Variants in MVB12B observed in about 807,000 individuals in gnomAD.
MVB12B encodes multivesicular body subunit 12B.
In MVB12B, 16 loss-of-function variants were observed where a neutral mutation model predicts 41.6. That is an observed-to-expected ratio of 0.38 (90% confidence interval 0.26 to 0.58). The LOEUF (loss-of-function observed/expected upper bound fraction) is 0.58, where lower values mean the gene tolerates loss of function less well. Ranked by LOEUF, MVB12B falls within the 20% of genes least tolerant of loss-of-function variation. The pLI, the probability that MVB12B is intolerant of heterozygous loss-of-function variation, is 0.62. For missense variants in MVB12B, 274 were observed against 380.2 expected (o/e 0.72, Z 2.32); for synonymous variants, 133 against 139.7 (o/e 0.95, Z 0.34).
intron 2 of MVB12B, among the ~76,000 whole-genome samples, chr9:126,355,482 T>C (rs1829856839): frequency 6.6e-6 from 1 of 152,238 alleles, no homozygotes; most frequent in Admixed American, 6.5e-5. Context: ...CCCTTAACAT[T>C]CAACGCTACT....
At chr9:126,439,905 G>A (rs1832588096) in intron 7 of MVB12B, among the ~76,000 whole-genome samples, 1 of 152,142 alleles carries the variant, frequency 6.6e-6, no homozygotes, top group Non-Finnish European at 1.5e-5. Context: ...TGCATATAAT[G>A]TATCTTAAGT....
At chr9:126,483,158 C>T (rs1274158984) in intron 8 of MVB12B, among the ~76,000 whole-genome samples, 4 of 152,176 alleles carry the variant, frequency 2.6e-5, no homozygotes, top group Non-Finnish European at 5.9e-5. Flanking sequence ...GCCAGGGACC[C>T]TTCTGGGGAG....
intron 7 of MVB12B, among the ~76,000 whole-genome samples, chr9:126,435,255 C>G (rs1365475816): frequency 6.6e-6 from 1 of 152,166 alleles, no homozygotes; most frequent in Non-Finnish European, 1.5e-5. Flanking sequence ...CCAGAAGGCA[C>G]TGGTCTCATT....
chr9:126,481,499 C>CCCTGCGTGCTGTGTA, intron 8 of MVB12B, 75 bp downstream of exon 8: 2 of 1,098,002 alleles, frequency 1.8e-6, no homozygotes, highest in Non-Finnish European at 2.8e-6. Flanking sequence ...ATTTACACAG[C>CCCTGCGTGCTGTGTA]ACGCAGGGCT....
At chr9:126,489,688 G>C (rs573141482) in intron 9 of MVB12B, among the ~76,000 whole-genome samples, 12 of 152,356 alleles carry the variant, frequency 7.9e-5, no homozygotes, top group African/African-American at 2.9e-4. Flanking sequence ...TGACAGAGCA[G>C]TGGCCTTCTG....
chr9:126,401,548 G>T (rs1231785443), intron 6 of MVB12B, among the ~76,000 whole-genome samples: 1 of 152,234 alleles, frequency 6.6e-6, no homozygotes, highest in African/African-American at 2.4e-5. Context: ...GTCGATGTCA[G>T]GTTTTGAGAA....
intron 7 of MVB12B, among the ~76,000 whole-genome samples, chr9:126,457,000 A>C (rs1030738559): frequency 1.4e-4 from 22 of 152,270 alleles, no homozygotes; most frequent in Admixed American, 1.4e-3. Flanking sequence ...CACGAGTTTA[A>C]CCAGATCTTC....
Position 126,391,926 on chromosome 9 carries a change from C to A in MVB12B, c.410-140C>A. ...GCCCCGGGGAAGGCAGGCGGCAGAG[C>A]GCAGCCCTTCTGTCCAGCAGCTTAG... On this transcript the variant is annotated intron_variant, in intron 4 of 9. Transcript: ENST00000361171. This position sits in a 1 kb window ranked among gnomAD's most constrained non-coding sequence, Gnocchi z 4.4. 2 of 984,580 alleles carry A rather than the reference C, an allele frequency of 2.0e-6. No individual in the cohort carries two copies. The highest frequency in any genetic ancestry group is 3.1e-6 in the Non-Finnish European group (2 of 643,948). The allele number at this position is 984,580 out of a possible 1,614,324, so 61.0% of individuals were successfully genotyped here. A position where few individuals can be genotyped will look rare whatever the true frequency, so the allele number is the denominator to read the frequency against.
chr9:126,345,696 T>C (rs1185540744), intron 2 of MVB12B, among the ~76,000 whole-genome samples: 2 of 152,244 alleles, frequency 1.3e-5, no homozygotes, highest in African/African-American at 4.8e-5. Flanking sequence ...TTCCTTCTGC[T>C]CATCCTTTCT....
Position 126,346,058 on chromosome 9 carries a change from C to T in MVB12B, c.204+5428C>T, listed in dbSNP as rs998539147. ...GGTGGGTGAGACCAGATCATAGCCA[C>T]GCTAAGGAATTTGCAATTATTCTGA... On this transcript the variant is annotated intron_variant, in intron 2 of 9. Coordinates refer to ENST00000361171, the MANE Select transcript of MVB12B (RefSeq NM_033446.3). Among the ~76,000 whole-genome samples, 10 of 152,200 alleles carry T rather than the reference C, an allele frequency of 6.6e-5. No homozygotes were observed. The South Asian group carries it at 1.2e-3, about 19-fold the overall frequency.
chr9:126,483,886 G>A, intron 8 of MVB12B, 87 bp from the exon 9 acceptor site: 1 of 1,359,076 alleles, frequency 7.4e-7, no homozygotes. Flanking sequence ...ACCGTGGCTT[G>A]AGGTGTTACC....
rs138024671 is a variant in MVB12B, at chr9:126,438,517, A to T, written c.757+16569A>T. 1.5e-3 allele frequency among the ~76,000 whole-genome samples: 222 copies of T among 152,236 alleles called. 3 individuals are homozygous for T. In the South Asian group the frequency reaches 0.017, roughly 12 times the overall value. ...TCGGATCCAAGTCCAGGTGGTGTGTACCCCTAGGTAACATTCATGTAGGCT... is the reference window on the plus strand; with the variant it reads ...TCGGATCCAAGTCCAGGTGGTGTGTTCCCCTAGGTAACATTCATGTAGGCT... On this transcript the variant is annotated intron_variant, in intron 7 of 9. Coordinates refer to ENST00000361171, the MANE Select transcript of MVB12B (RefSeq NM_033446.3).
intron 1 of MVB12B, 161 bp downstream of exon 1, chr9:126,327,171 G>A (rs1829005011): frequency 1.2e-6 from 1 of 822,630 alleles, no homozygotes. Flanking sequence ...GGCGGGGACA[G>A]GCCCGGGCGG....
rs1383889229 is a variant in MVB12B at position 126,505,463 on chromosome 9, G to A, written c.*2200G>A. On this transcript the variant is annotated 3_prime_UTR_variant, in exon 10 of 10. Transcript: ENST00000361171. ...CAAACTGCATGGACTCAAGCGAGCT[G>A]GAGCCATCTTCTCCATAGCATTACG... 6.6e-6 allele frequency: 1 copy of A among 152,268 alleles called. No homozygotes were observed. The highest frequency in any genetic ancestry group is 2.4e-5 in the African/African-American group (1 of 41,466). 9.4% of individuals were successfully genotyped at this position (152,268 alleles called of 1,614,324 possible). A position where few individuals can be genotyped will look rare whatever the true frequency, so the allele number is the denominator to read the frequency against.
intron 2 of MVB12B, among the ~76,000 whole-genome samples, chr9:126,379,265 G>A (rs961301806): frequency 3.9e-5 from 6 of 152,216 alleles, no homozygotes; most frequent in Non-Finnish European, 7.3e-5. Context: ...TGGATATGGT[G>A]CTGTGCCTTT....
Position 126,392,229 on chromosome 9 carries a change from T to C in MVB12B, c.539+34T>C. ...TAATAACAGGACTGTCAGCTGCTTCTCTTCCCTGAGAGCACTCAGGCCACT... is the reference window on the plus strand; with the variant it reads ...TAATAACAGGACTGTCAGCTGCTTCCCTTCCCTGAGAGCACTCAGGCCACT... On this transcript the variant is annotated intron_variant, in intron 5 of 9. Transcript: ENST00000361171. This position sits in a 1 kb window ranked among gnomAD's most constrained non-coding sequence, Gnocchi z 4.8. 6 of 1,612,180 alleles carry C rather than the reference T, an allele frequency of 3.7e-6. No individual in the cohort carries two copies. The highest frequency in any genetic ancestry group is 5.1e-6 in the Non-Finnish European group (6 of 1,178,474).
chr9:126,475,927 G>A (rs533979157), intron 7 of MVB12B, among the ~76,000 whole-genome samples: 20 of 152,156 alleles, frequency 1.3e-4, no homozygotes, highest in Non-Finnish European at 1.9e-4. Context: ...TCCTTCTGTC[G>A]TGAACTCTCA....
At chr9:126,434,136 T>A (rs1339220205) in intron 7 of MVB12B, among the ~76,000 whole-genome samples, 1 of 152,202 alleles carries the variant, frequency 6.6e-6, no homozygotes, top group Non-Finnish European at 1.5e-5. Flanking sequence ...TTGGACAGAG[T>A]ACCTGAATCC....
chr9:126,403,375 C>T (rs1012186005), intron 6 of MVB12B, among the ~76,000 whole-genome samples: 1 of 152,200 alleles, frequency 6.6e-6, no homozygotes, highest in Non-Finnish European at 1.5e-5. Flanking sequence ...TTAGGATTGG[C>T]CCTGGCCAGC....
Sources: allele counts gnomAD v4.1 joint callset (sites outside exome capture counted in the v4.1 genomes callset), GRCh38; gene constraint gnomAD v4.1.1; non-coding constraint Gnocchi (gnomAD v3.1); transcripts MANE v1.5; gene names NCBI Gene and HGNC (gene_info 2026-07-23, HGNC 2026-07-21).